Variants in MYT1L observed in about 807,000 individuals in gnomAD.
MYT1L encodes myelin transcription factor 1-like protein.
A neutral mutation model predicts 126.7 loss-of-function variants in MYT1L; 12 were observed. That is an observed-to-expected ratio of 0.09 (90% CI 0.06 to 0.15). The LOEUF is 0.15. Among genes scored for constraint, MYT1L ranks in the 10% least tolerant of loss-of-function variants. The pLI is 1.00. For synonymous variants in MYT1L, 541 were observed against 604.2 expected (o/e 0.90, Z 1.53); for missense variants, 979 against 1,585.2 (o/e 0.62, Z 6.49).
At chr2:1,815,984 C>T (rs183119218) in intron 21 of MYT1L, among the ~76,000 whole-genome samples, 5 of 152,256 alleles carry the variant, frequency 3.3e-5, no homozygotes, top group Admixed American at 3.3e-4. Context: ...GCACAGTTAT[C>T]TCTTTTTTTT....
chr2:2,150,153 C>T (rs1236493739), intron 3 of MYT1L, among the ~76,000 whole-genome samples: 1 of 152,082 alleles, frequency 6.6e-6, no homozygotes, highest in East Asian at 1.9e-4. Context: ...GAGAGGAAGC[C>T]GTGGTGCCTG....
intron 2 of MYT1L, among the ~76,000 whole-genome samples, chr2:2,195,605 T>C (rs2092765217): frequency 6.6e-6 from 1 of 152,006 alleles, no homozygotes; most frequent in South Asian, 2.1e-4. Flanking sequence ...TAACAACCAA[T>C]AGAAACAAAT....
chr2:1,865,500 AAAT>A (rs1245256695), intron 18 of MYT1L, among the ~76,000 whole-genome samples: 3 of 151,848 alleles, frequency 2.0e-5, no homozygotes, highest in Non-Finnish European at 4.4e-5. Context: ...AAAATAGGAA[AAAT>A]AATGCCCATC....
intron 9 of MYT1L, among the ~76,000 whole-genome samples, chr2:1,931,296 G>A (rs769474900): frequency 1.3e-5 from 2 of 152,206 alleles, no homozygotes; most frequent in Admixed American, 1.3e-4. Flanking sequence ...AATACCTCAC[G>A]TCTGCTGGGC....
intron 18 of MYT1L, among the ~76,000 whole-genome samples, chr2:1,862,742 G>A (rs999811186): frequency 6.6e-6 from 1 of 152,218 alleles, no homozygotes. Flanking sequence ...AGAGGTTGGA[G>A]CACCTGCTGC....
intron 4 of MYT1L, among the ~76,000 whole-genome samples, chr2:2,002,333 A>C (rs1165378228): frequency 6.6e-6 from 1 of 152,196 alleles, no homozygotes; most frequent in African/African-American, 2.4e-5. Flanking sequence ...CCTCATCACC[A>C]CTTATGGTAA....
intron 2 of MYT1L, among the ~76,000 whole-genome samples, chr2:2,225,447 C>T (rs1056537083): frequency 6.6e-6 from 1 of 152,220 alleles, no homozygotes; most frequent in Non-Finnish European, 1.5e-5. Flanking sequence ...CCAGTCTCGT[C>T]TCGGGCTAAA....
chr2:1,853,625 G>T (rs1042460838), intron 18 of MYT1L, among the ~76,000 whole-genome samples: 2 of 152,124 alleles, frequency 1.3e-5, no homozygotes, highest in African/African-American at 4.8e-5. Context: ...AATGTATCAA[G>T]AAACAAATTT....
At chr2:2,141,200 G>A (rs138531609) in intron 3 of MYT1L, among the ~76,000 whole-genome samples, 186 of 152,160 alleles carry the variant, frequency 1.2e-3, no homozygotes, top group African/African-American at 4.3e-3. Flanking sequence ...TATAATTAAC[G>A]TACACACAGG....
At chr2:2,287,515 T>C (rs1022880161) in intron 1 of MYT1L, among the ~76,000 whole-genome samples, 26 of 152,148 alleles carry the variant, frequency 1.7e-4, no homozygotes. Context: ...CAGTCTTTTT[T>C]AAAAAATAGA....
chr2:2,227,274 C>T (rs1239435198), intron 2 of MYT1L, among the ~76,000 whole-genome samples: 1 of 152,096 alleles, frequency 6.6e-6, no homozygotes, highest in Non-Finnish European at 1.5e-5. Flanking sequence ...TGGATGACTC[C>T]CAAAGCGTAT....
chr2:1,938,463 T>C (rs1197101198), intron 9 of MYT1L, among the ~76,000 whole-genome samples: 2 of 152,228 alleles, frequency 1.3e-5, no homozygotes, highest in Non-Finnish European at 2.9e-5. Flanking sequence ...AACAAAATTC[T>C]TCATGCAAAA....
chr2:1,914,537 C>A (rs528538435), intron 11 of MYT1L, among the ~76,000 whole-genome samples: 1 of 152,248 alleles, frequency 6.6e-6, no homozygotes, highest in Admixed American at 6.5e-5. Flanking sequence ...CAGGTAGCCA[C>A]CTCTGCACCT....
At chr2:2,102,394 T>A (rs888279306) in intron 3 of MYT1L, among the ~76,000 whole-genome samples, 6 of 152,246 alleles carry the variant, frequency 3.9e-5, no homozygotes, top group African/African-American at 1.4e-4. Flanking sequence ...TTTAAAGCTA[T>A]AACATATGTA....
At chr2:2,183,136 G>A (rs1470754521) in intron 2 of MYT1L, among the ~76,000 whole-genome samples, 1 of 152,172 alleles carries the variant, frequency 6.6e-6, no homozygotes. Context: ...GGAGGGAAGG[G>A]TGTGTTTGGA....
chr2:2,055,109 A>G (rs560759359), intron 3 of MYT1L, among the ~76,000 whole-genome samples: 11 of 152,236 alleles, frequency 7.2e-5, no homozygotes, highest in African/African-American at 2.4e-4. Flanking sequence ...TTTGTAATAT[A>G]AAAAATACAC....
intron 9 of MYT1L, among the ~76,000 whole-genome samples, chr2:1,936,346 A>G (rs1442349865): frequency 6.6e-6 from 1 of 152,274 alleles, no homozygotes; most frequent in African/African-American, 2.4e-5. Context: ...CACAGTTTGC[A>G]TGAAGAGAGT....
At chr2:2,211,549 T>C (rs1315428687) in intron 2 of MYT1L, among the ~76,000 whole-genome samples, 1 of 152,144 alleles carries the variant, frequency 6.6e-6, no homozygotes, top group Non-Finnish European at 1.5e-5. Flanking sequence ...GGCTCATGCC[T>C]GTAATCCCTG....
intron 2 of MYT1L, among the ~76,000 whole-genome samples, chr2:2,252,392 C>T (rs73913280): frequency 0.016 from 2,421 of 152,272 alleles, 63 homozygotes; most frequent in African/African-American, 0.056. Flanking sequence ...TGGTCTGTGT[C>T]TGGGCATGAG....
Sources: gnomAD v4.1 joint callset for allele counts (sites outside exome capture counted in the v4.1 genomes callset) on GRCh38, gnomAD v4.1.1 for gene constraint, MANE v1.5 for transcripts, NCBI Gene and HGNC (gene_info 2026-07-23, HGNC 2026-07-21) for gene names.